USF3: variants seen among roughly 807,000 people sequenced by gnomAD.
USF3 encodes upstream transcription factor family member 3, also known as basic helix-loop-helix domain-containing protein USF3.
Under a neutral mutation model 157.5 loss-of-function variants are expected in USF3, and 29 were observed. The observed-to-expected ratio is 0.18, with a 90% CI of 0.14 to 0.25. USF3 has a LOEUF of 0.25. Among genes scored for constraint, USF3 ranks in the 10% least tolerant of loss-of-function variants. The pLI is 1.00. For synonymous variants in USF3, 893 were observed against 941.4 expected (o/e 0.95, Z 0.94); for missense variants, 2,381 against 2,667.6 (o/e 0.89, Z 2.37).
At chr3:113,686,746 T>A (rs1707557275) in intron 1 of USF3, among the ~76,000 whole-genome samples, 1 of 152,216 alleles carries the variant, frequency 6.6e-6, no homozygotes, top group Admixed American at 6.5e-5. Context: ...TCACAGTAAT[T>A]CTTACTTTCC....
At chr3:113,667,408 G>T (rs1028950010) in intron 5 of USF3, among the ~76,000 whole-genome samples, 1 of 152,132 alleles carries the variant, frequency 6.6e-6, no homozygotes, top group Admixed American at 6.5e-5. Flanking sequence ...AGAGAAACTC[G>T]CAGGGATGAA....
In USF3 at chr3:113,660,178, G is replaced by A. The variant is rs1947455545; in HGVS notation, c.1504C>T (p.Pro502Ser). Reference sequence around the variant, plus strand: ...ATTAGTGGCTGCATAGGTAAAGATGGACAAGAAGGCAATGTTACAACTACT... The same window carrying A: ...ATTAGTGGCTGCATAGGTAAAGATGAACAAGAAGGCAATGTTACAACTACT... The part of the protein sequence containing the change: ...EQVVVTLPSC[P>S]SLPMQPLIAQ... Residue 502 changes from proline to serine, a missense_variant, in exon 7 of 7, where the codon CCA becomes TCA. This residue lies in a region of USF3 where 1,435 missense variants were observed against 1,550.9 expected (regional missense o/e 0.93). Transcript: ENST00000316407. 6.2e-7 allele frequency: 1 copy of A among 1,614,054 alleles called. No individual in the cohort carries two copies. The highest frequency in any genetic ancestry group is 1.3e-5 in the African/African-American group (1 of 74,926).
intron 1 of USF3, among the ~76,000 whole-genome samples, chr3:113,679,222 G>C (rs1266527805): frequency 6.6e-6 from 1 of 152,024 alleles, no homozygotes; most frequent in Non-Finnish European, 1.5e-5. Flanking sequence ...AAACCCAGTA[G>C]TTTTCAAGTG....
intron 1 of USF3, among the ~76,000 whole-genome samples, chr3:113,682,719 T>C (rs924578741): frequency 1.3e-5 from 2 of 152,222 alleles, no homozygotes; most frequent in South Asian, 2.1e-4. Context: ...AATGATGTTG[T>C]CTTTTTTCAT....
chr3:113,656,661 A>G lies in USF3; in HGVS notation c.5021T>C (p.Ile1674Thr). Residue 1674 changes from isoleucine (I) to threonine (T), a missense_variant, in exon 7 of 7, where the codon ATT becomes ACT. Physicochemically the swap from Ile to Thr is moderately conservative, Grantham distance 89. This residue lies in a region of USF3 where 770 missense variants were observed against 824.2 expected (regional missense o/e 0.93). Transcript: ENST00000316407. Reference protein sequence around the residue: ...RVSSYSAEALIGKTSSNSEQR... With the variant: ...RVSSYSAEALTGKTSSNSEQR... ...CTCTGAATTAGAAGATGTCTTTCCA[A>G]TGAGTGCCTCAGCAGAATAACTTGA... 6.2e-7 allele frequency: 1 copy of G among 1,614,208 alleles called. No homozygotes were observed. Among genetic ancestry groups the G allele is most frequent in the Non-Finnish European group, 8.5e-7 (1 of 1,180,022 alleles).
chr3:113,676,095 C>T (rs1707274865), intron 2 of USF3, among the ~76,000 whole-genome samples: 1 of 152,196 alleles, frequency 6.6e-6, no homozygotes, highest in South Asian at 2.1e-4. Context: ...TCACATCTGC[C>T]TGTCTTCTTC....
At chr3:113,677,626 C>G (rs34458493) in intron 1 of USF3, among the ~76,000 whole-genome samples, 4 of 151,986 alleles carry the variant, frequency 2.6e-5, no homozygotes, top group Non-Finnish European at 5.9e-5. Context: ...TTACAGCCAA[C>G]GGATGGTCCC....
At chr3:113,684,651 T>C (rs546134755) in intron 1 of USF3, among the ~76,000 whole-genome samples, 2 of 152,254 alleles carry the variant, frequency 1.3e-5, no homozygotes, top group South Asian at 2.1e-4. Context: ...CATTCTTTAG[T>C]TTGTCTATTG....
chr3:113,669,377 T>A (rs1184197202), intron 5 of USF3, among the ~76,000 whole-genome samples: 1 of 151,830 alleles, frequency 6.6e-6, no homozygotes, highest in Non-Finnish European at 1.5e-5. Context: ...TATGTTGGGG[T>A]TAGGAAGCAG....
At chr3:113,688,715 A>G (rs916691667) in intron 1 of USF3, among the ~76,000 whole-genome samples, 1 of 152,186 alleles carries the variant, frequency 6.6e-6, no homozygotes, top group Non-Finnish European at 1.5e-5. Flanking sequence ...AAACTCCTGA[A>G]ATGATTCCAA....
rs952094043 is a variant in USF3, at chr3:113,649,799, G to C, written c.*5145C>G. 4 of 702,644 alleles carry C rather than the reference G, an allele frequency of 5.7e-6. No individual in the cohort carries two copies. The highest frequency in any genetic ancestry group is 1.0e-5 in the Non-Finnish European group (4 of 384,870). The allele number at this position is 702,644 out of a possible 1,614,324, so 43.5% of individuals were successfully genotyped here. A position where few individuals can be genotyped will look rare whatever the true frequency, so the allele number is the denominator to read the frequency against. ...GGTCCTCACGCTTCTTATCAGCATG[G>C]ACTGACTCAATCTAAATTTGGTGTC... On this transcript the variant is annotated 3_prime_UTR_variant, in exon 7 of 7. Transcript: ENST00000316407.
At chr3:113,662,510 C>T (rs1405580058) in intron 6 of USF3, among the ~76,000 whole-genome samples, 3 of 152,166 alleles carry the variant, frequency 2.0e-5, no homozygotes, top group Admixed American at 2.0e-4. Flanking sequence ...TGTGAGGGAG[C>T]CTGAAATGAA....
chr3:113,683,841 T>C (rs1707491132), intron 1 of USF3, among the ~76,000 whole-genome samples: 1 of 152,254 alleles, frequency 6.6e-6, no homozygotes, highest in Middle Eastern at 3.2e-3. Flanking sequence ...TTGTAGTTAT[T>C]ATTTTTGATA....
chr3:113,660,662 G>A lies in USF3; in HGVS notation c.1020C>T (p.Thr340=), dbSNP rs115299687. The change falls in exon 7 of 7, where the codon ACC becomes ACT. Residue 340 remains threonine (T), a synonymous_variant. Coordinates refer to ENST00000316407, the MANE Select transcript of USF3 (RefSeq NM_001009899.4). The part of the protein sequence containing the change: ...DFQNTFVVSV[T]TTVCSQPPRT... ...TGGGAGGCTGCGAGCAGACTGTGGT[G>A]GTAACTGAAACAACAAAAGTGTTTT... 1 of 1,614,148 alleles carries A rather than the reference G, an allele frequency of 6.2e-7. No homozygotes were observed. Among genetic ancestry groups the A allele is most frequent in the African/African-American group, 1.3e-5 (1 of 75,040 alleles).
In USF3 at chr3:113,661,247, T is replaced by C. The variant is rs768374265; in HGVS notation, c.435A>G (p.Lys145=). Residue 145 remains lysine (K), a synonymous_variant, in exon 7 of 7, where the codon AAA becomes AAG. Coordinates refer to ENST00000316407, the MANE Select transcript of USF3 (RefSeq NM_001009899.4). ...TCCCGTTGGAATAAACAATAATTTT[T>C]TTTTGAACCTGGTCACTAGGAATAA... ...SVVIPSDQVQ[K]KIIVYSNGNQ... is the part of the protein sequence containing the mutation. 4.3e-6 allele frequency: 7 copies of C among 1,613,954 alleles called. No homozygotes were observed. The highest frequency in any genetic ancestry group is 5.9e-6 in the Non-Finnish European group (7 of 1,180,002).
intron 1 of USF3, among the ~76,000 whole-genome samples, chr3:113,683,970 C>T (rs1459720896): frequency 6.6e-6 from 1 of 152,152 alleles, no homozygotes; most frequent in Non-Finnish European, 1.5e-5. Flanking sequence ...CAGACAATTT[C>T]TTATTACTTG....
intron 4 of USF3, 148 bp from the exon 5 acceptor site, chr3:113,670,351 C>A (rs1707122187): frequency 1.6e-6 from 1 of 614,004 alleles, no homozygotes; most frequent in Non-Finnish European, 2.9e-6. Flanking sequence ...GCAAACCCAG[C>A]ATTTTGGGAG....
intron 1 of USF3, among the ~76,000 whole-genome samples, chr3:113,694,402 G>C (rs1707758037): frequency 6.6e-6 from 1 of 152,196 alleles, no homozygotes; most frequent in Non-Finnish European, 1.5e-5. Flanking sequence ...TACAACCTTA[G>C]AATTTTACTT....
intron 1 of USF3, among the ~76,000 whole-genome samples, chr3:113,689,983 G>A (rs538253317): frequency 6.6e-6 from 1 of 152,288 alleles, no homozygotes; most frequent in South Asian, 2.1e-4. Context: ...CTGTGCAAAA[G>A]CTTTTATGTT....
Sources: gnomAD v4.1 joint callset for allele counts (sites outside exome capture counted in the v4.1 genomes callset) on GRCh38, gnomAD v4.1.1 for gene constraint, gnomAD v4.1.1 regional missense constraint, MANE v1.5 for transcripts, NCBI Gene and HGNC (gene_info 2026-07-23, HGNC 2026-07-21) for gene names.